TMEM132D: variants seen among roughly 807,000 people sequenced by gnomAD.
TMEM132D encodes transmembrane protein 132D, also known as mature OL transmembrane protein.
TMEM132D carries 21 observed loss-of-function variants against 62.3 expected under a neutral mutation model. That is an observed-to-expected ratio of 0.34 (90% CI 0.24 to 0.49). The LOEUF is 0.49. Among genes scored for constraint, TMEM132D ranks in the 20% least tolerant of loss-of-function variants. TMEM132D has a pLI of 0.99. For missense variants in TMEM132D, 1,346 were observed against 1,402.8 expected (o/e 0.96, Z 0.65); for synonymous variants, 621 against 575.6 (o/e 1.08, Z -1.13).
intron 1 of TMEM132D, among the ~76,000 whole-genome samples, chr12:129,818,752 G>T (rs1439330568): frequency 6.6e-6 from 1 of 151,890 alleles, no homozygotes; most frequent in Non-Finnish European, 1.5e-5. Flanking sequence ...AAAGTAGAAC[G>T]TGCCGGGGGT....
rs141592866 is a variant in TMEM132D at position 129,877,613 on chromosome 12, G to GCACACACA, written c.79+25640_79+25647dup. Reference sequence around the variant, plus strand: ...ACCTATTAACCAAACGCGCGCGCGCGCACACACACACACACAGAGAGAGAG... The same window carrying GCACACACA: ...ACCTATTAACCAAACGCGCGCGCGCGCACACACACACACACACACACACAGAGAGAGAG... On this transcript the variant is annotated intron_variant, in intron 1 of 8. Coordinates refer to ENST00000422113, the MANE Select transcript of TMEM132D (RefSeq NM_133448.3). 4.4e-3 allele frequency among the ~76,000 whole-genome samples: 642 copies of GCACACACA among 144,392 alleles called. 7 individuals carry two copies. The highest frequency in any genetic ancestry group is 0.015 in the African/African-American group (600 of 38,866). 94.7% of individuals were successfully genotyped at this position (144,392 alleles called of 152,430 possible).
chr12:129,329,181 C>CCATG (rs1450929516), intron 4 of TMEM132D, among the ~76,000 whole-genome samples: 4 of 151,970 alleles, frequency 2.6e-5, no homozygotes, highest in South Asian at 2.1e-4. Flanking sequence ...GTTCCTAGAA[C>CCATG]CATGCATGGT....
intron 8 of TMEM132D, among the ~76,000 whole-genome samples, chr12:129,075,626 C>T (rs913124661): frequency 6.6e-6 from 1 of 152,180 alleles, no homozygotes; most frequent in African/African-American, 2.4e-5. Flanking sequence ...GTGGATCTGT[C>T]CTGGCCTCAG....
At chr12:129,708,433 A>G (rs1170088122) in intron 1 of TMEM132D, among the ~76,000 whole-genome samples, 3 of 152,034 alleles carry the variant, frequency 2.0e-5, no homozygotes, top group Non-Finnish European at 4.4e-5. Flanking sequence ...AGGGATTCTC[A>G]ACCTCAGCAC....
chr12:129,545,624 C>A (rs531217561), intron 2 of TMEM132D, among the ~76,000 whole-genome samples: 6 of 152,108 alleles, frequency 3.9e-5, no homozygotes, highest in Non-Finnish European at 7.4e-5. Flanking sequence ...CCCATTCTCC[C>A]ACTCCCTGCC....
chr12:129,248,153 C>T (rs767003937), intron 4 of TMEM132D, among the ~76,000 whole-genome samples: 12 of 152,154 alleles, frequency 7.9e-5, no homozygotes, highest in Non-Finnish European at 1.3e-4. Context: ...TTAAAACTGA[C>T]TGCTGCTGAG....
chr12:129,077,821 CACACA>C lies in TMEM132D; in HGVS notation c.2115+708_2115+712del, dbSNP rs577391374. ...CTATACAACACAAGCACACATGCAA[CACACA>C]ACACAAAACAAGCAACACAAAATAC... On this transcript the variant is annotated intron_variant, in intron 8 of 8. Transcript: ENST00000422113. 1.6e-4 allele frequency among the ~76,000 whole-genome samples: 25 copies of C among 152,144 alleles called. No homozygotes were observed. The South Asian group carries it at 1.9e-3, about 11-fold the overall frequency.
At chr12:129,104,150 G>A (rs1435521218) in intron 5 of TMEM132D, among the ~76,000 whole-genome samples, 1 of 149,904 alleles carries the variant, frequency 6.7e-6, no homozygotes. Context: ...TATACTACAA[G>A]GCTACAGTAA....
intron 3 of TMEM132D, among the ~76,000 whole-genome samples, chr12:129,420,495 T>C (rs1254441168): frequency 6.6e-6 from 1 of 151,904 alleles, no homozygotes; most frequent in Non-Finnish European, 1.5e-5. Flanking sequence ...GTCAAATAAA[T>C]GAAGAAAACA....
chr12:129,359,061 G>T (rs1377188094), intron 3 of TMEM132D, among the ~76,000 whole-genome samples: 1 of 151,958 alleles, frequency 6.6e-6, no homozygotes, highest in African/African-American at 2.4e-5. Flanking sequence ...ACAAAATGTA[G>T]TATATCCACA....
intron 3 of TMEM132D, among the ~76,000 whole-genome samples, chr12:129,499,334 A>G (rs1391409016): frequency 6.6e-6 from 1 of 152,246 alleles, no homozygotes; most frequent in Non-Finnish European, 1.5e-5. Flanking sequence ...ATTACTCAGA[A>G]CAGAAACTTG....
intron 2 of TMEM132D, among the ~76,000 whole-genome samples, chr12:129,628,166 A>G (rs1302361467): frequency 1.3e-5 from 2 of 152,232 alleles, no homozygotes; most frequent in African/African-American, 4.8e-5. Context: ...GTGTTAAGTA[A>G]TGAATATTTA....
At chr12:129,200,718 C>G (rs1041588307) in intron 5 of TMEM132D, among the ~76,000 whole-genome samples, 10 of 152,202 alleles carry the variant, frequency 6.6e-5, no homozygotes, top group African/African-American at 2.4e-4. Context: ...TGGGAGCCGG[C>G]TCTCCACCAC....
chr12:129,128,101 A>G (rs1455389498), intron 5 of TMEM132D, among the ~76,000 whole-genome samples: 4 of 152,154 alleles, frequency 2.6e-5, no homozygotes, highest in African/African-American at 9.7e-5. Context: ...GCTCAGCTAG[A>G]GGGCTGCATG....
At chr12:129,506,433 G>T (rs2137070900) in intron 3 of TMEM132D, among the ~76,000 whole-genome samples, 1 of 152,178 alleles carries the variant, frequency 6.6e-6, no homozygotes, top group South Asian at 2.1e-4. Flanking sequence ...AAATCTGGAG[G>T]CATCACATTA....
chr12:129,825,223 G>A (rs545631504), intron 1 of TMEM132D, among the ~76,000 whole-genome samples: 52 of 150,898 alleles, frequency 3.4e-4, no homozygotes, highest in African/African-American at 1.2e-3. Context: ...TTGCCATGTT[G>A]GCCAGGCTGG....
chr12:129,678,027 G>A (rs1250122042), intron 2 of TMEM132D, among the ~76,000 whole-genome samples: 1 of 152,064 alleles, frequency 6.6e-6, no homozygotes, highest in East Asian at 1.9e-4. Flanking sequence ...AAACATGTAA[G>A]AATTCTATTG....
At chr12:129,079,847 G>C (rs1456724552) in intron 7 of TMEM132D, among the ~76,000 whole-genome samples, 1 of 152,128 alleles carries the variant, frequency 6.6e-6, no homozygotes, top group East Asian at 1.9e-4. Context: ...AAAGAGAAAA[G>C]AACCAAGGCT....
At chr12:129,473,318 GT>G (rs1441231858) in intron 3 of TMEM132D, among the ~76,000 whole-genome samples, 1 of 57,760 alleles carries the variant, frequency 1.7e-5, no homozygotes, top group Non-Finnish European at 3.4e-5. Flanking sequence ...AGTGATTTTA[GT>G]TTTTGTTTTT....
Sources: gnomAD v4.1 joint callset for allele counts (sites outside exome capture counted in the v4.1 genomes callset) on GRCh38, gnomAD v4.1.1 for gene constraint, MANE v1.5 for transcripts, NCBI Gene and HGNC (gene_info 2026-07-23, HGNC 2026-07-21) for gene names.